CSMD1: variants seen among roughly 807,000 people sequenced by gnomAD.
CSMD1 encodes the protein CUB and Sushi multiple domains 1.
CSMD1 carries 213 observed loss-of-function variants against 417.5 expected under a neutral mutation model. The ratio of observed to expected loss-of-function variants is 0.51; its 90% CI spans 0.46 to 0.57. The LOEUF (loss-of-function observed/expected upper bound fraction) is 0.57. Among genes scored for constraint, CSMD1 ranks in the 20% least tolerant of loss-of-function variants. The pLI is 0.00. For missense variants in CSMD1, 6,923 were observed against 4,529.7 expected, an observed-to-expected ratio of 1.53 and a Z score of -15.17; for synonymous variants, 2,862 against 1,736.8, an observed-to-expected ratio of 1.65 and a Z score of -16.11.
At chr8:3,455,029 C>T (rs892374753) in intron 12 of CSMD1, among the ~76,000 whole-genome samples, 3 of 152,158 alleles carry the variant, frequency 2.0e-5, no homozygotes, top group African/African-American at 7.2e-5. Context: ...TCTTTTTTCT[C>T]TAAACTTCTC....
At chr8:4,019,218 G>C (rs1796667296) in intron 4 of CSMD1, among the ~76,000 whole-genome samples, 2 of 152,294 alleles carry the variant, frequency 1.3e-5, no homozygotes, top group South Asian at 4.1e-4. Context: ...ACCTGAGAGA[G>C]GCTCCTGGCT....
chr8:3,149,700 T>G (rs76148024), intron 40 of CSMD1, among the ~76,000 whole-genome samples: 15,533 of 152,166 alleles, frequency 0.1, 1,051 homozygotes, highest in African/African-American at 0.19. Context: ...ATGATCTCGA[T>G]CTCCTGACCT....
intron 7 of CSMD1, among the ~76,000 whole-genome samples, chr8:3,621,951 C>T (rs1796262805): frequency 2.0e-5 from 3 of 149,518 alleles, no homozygotes; most frequent in South Asian, 2.1e-4. Context: ...CCTGATGTTA[C>T]TTCTGTCTTA....
intron 1 of CSMD1, among the ~76,000 whole-genome samples, chr8:4,881,609 T>C (rs1443844558): frequency 4.0e-5 from 6 of 151,766 alleles, no homozygotes; most frequent in African/African-American, 1.2e-4. Context: ...AAATTCATGT[T>C]TAATTGATTT....
chr8:4,921,850 T>A (rs2117146807), intron 1 of CSMD1, among the ~76,000 whole-genome samples: 1 of 152,296 alleles, frequency 6.6e-6, no homozygotes, highest in Middle Eastern at 3.4e-3. Context: ...CGTTACTCAA[T>A]CTGAGAGAAA....
At chr8:4,184,114 T>C (rs1478004203) in intron 3 of CSMD1, among the ~76,000 whole-genome samples, 1 of 152,186 alleles carries the variant, frequency 6.6e-6, no homozygotes, top group East Asian at 1.9e-4. Context: ...ATGTTAACTA[T>C]AATTTCTAAA....
At chr8:4,859,960 C>G in intron 1 of CSMD1, among the ~76,000 whole-genome samples, 1 of 152,094 alleles carries the variant, frequency 6.6e-6, no homozygotes, top group Non-Finnish European at 1.5e-5. Flanking sequence ...CACATGCACA[C>G]ATATGTTTAT....
intron 5 of CSMD1, among the ~76,000 whole-genome samples, chr8:3,926,472 T>C (rs56722051): frequency 0.072 from 10,786 of 150,504 alleles, 567 homozygotes; most frequent in African/African-American, 0.13. Flanking sequence ...TGAATACATG[T>C]GTTGCATTTC....
chr8:4,190,910 G>C (rs918270963), intron 3 of CSMD1, among the ~76,000 whole-genome samples: 1 of 151,110 alleles, frequency 6.6e-6, no homozygotes, highest in Admixed American at 6.6e-5. Flanking sequence ...AGAACACATG[G>C]GTACACATAG....
At chr8:3,684,858 A>G (rs1216543924) in intron 7 of CSMD1, among the ~76,000 whole-genome samples, 1 of 152,152 alleles carries the variant, frequency 6.6e-6, no homozygotes, top group Non-Finnish European at 1.5e-5. Context: ...TATTACATTC[A>G]GAATTCTTAC....
At chr8:4,135,333 GGAAA>G (rs372613714) in intron 3 of CSMD1, among the ~76,000 whole-genome samples, 78,765 of 141,166 alleles carry the variant, frequency 0.56, 23,377 homozygotes, top group East Asian at 0.67. Context: ...CGAAGGAAGG[GGAAA>G]GAAGGAAGGA....
chr8:3,470,313 C>A (rs1020123733), intron 11 of CSMD1, among the ~76,000 whole-genome samples: 2 of 151,976 alleles, frequency 1.3e-5, no homozygotes, highest in African/African-American at 4.8e-5. Flanking sequence ...TGTATAAACA[C>A]AAGTAGGGGA....
At position 4,434,130 on chromosome 8, in the gene CSMD1, G is replaced by C. The variant is rs558501846; in HGVS notation, c.303-14065C>G. 1.3e-3 allele frequency among the ~76,000 whole-genome samples: 198 copies of C among 152,278 alleles called. 2 individuals carry two copies. The highest frequency in any genetic ancestry group is 4.4e-3 in the African/African-American group (183 of 41,560). On this transcript the variant is annotated intron_variant, in intron 2 of 69. Transcript: ENST00000635120. ...AAGTGGGCAGATCACTTCAGGTCAGGAGTTTGAGAACAGCTTGGCCAACAT... is the reference window on the plus strand; with the variant it reads ...AAGTGGGCAGATCACTTCAGGTCAGCAGTTTGAGAACAGCTTGGCCAACAT...
At chr8:3,692,927 G>C (rs917883160) in intron 7 of CSMD1, among the ~76,000 whole-genome samples, 7 of 152,104 alleles carry the variant, frequency 4.6e-5, no homozygotes, top group Admixed American at 2.0e-4. Flanking sequence ...TATCAAAATA[G>C]AAGGGTAAAA....
intron 5 of CSMD1, among the ~76,000 whole-genome samples, chr8:3,785,489 TG>T (rs1799409346): frequency 6.6e-6 from 1 of 152,188 alleles, no homozygotes; most frequent in African/African-American, 2.4e-5. Flanking sequence ...ACTCTAGTGT[TG>T]GAAAATACAT....
chr8:3,563,294 G>T (rs187943279), intron 10 of CSMD1, among the ~76,000 whole-genome samples: 2 of 151,660 alleles, frequency 1.3e-5, no homozygotes, highest in Non-Finnish European at 1.5e-5. Flanking sequence ...ATCTAAAAGT[G>T]TGTAATTTAA....
At chr8:4,468,291 G>C (rs1029723336) in intron 2 of CSMD1, among the ~76,000 whole-genome samples, 3 of 152,152 alleles carry the variant, frequency 2.0e-5, no homozygotes, top group Non-Finnish European at 4.4e-5. Context: ...AGGAACTTGA[G>C]AAAGTGTTGA....
intron 10 of CSMD1, among the ~76,000 whole-genome samples, chr8:3,504,585 A>C (rs1796745286): frequency 6.6e-6 from 1 of 152,124 alleles, no homozygotes; most frequent in South Asian, 2.1e-4. Context: ...TGTTATTTCA[A>C]ATCTCACGAG....
chr8:4,367,814 G>C (rs1052959963), intron 3 of CSMD1, among the ~76,000 whole-genome samples: 5 of 152,052 alleles, frequency 3.3e-5, no homozygotes, highest in African/African-American at 9.7e-5. Flanking sequence ...TTTATTCTTT[G>C]TGCTATTTTT....
Sources: allele counts gnomAD v4.1 joint callset (sites outside exome capture counted in the v4.1 genomes callset), GRCh38; gene constraint gnomAD v4.1.1; transcripts MANE v1.5; gene names NCBI Gene and HGNC (gene_info 2026-07-23, HGNC 2026-07-21).